NAV2: variants seen among roughly 807,000 people sequenced by gnomAD.
NAV2 encodes the protein helicase, APC down-regulated 1.
NAV2 carries 54 observed loss-of-function variants against 223.2 expected under a neutral mutation model. The observed-to-expected ratio is 0.24, with a 90% CI of 0.19 to 0.30. The LOEUF (loss-of-function observed/expected upper bound fraction) is 0.30. NAV2 is among the 10% of genes least tolerant of loss of function. The probability of loss-of-function intolerance (pLI) is 1.00; values close to 1 mark genes in which losing one functional copy is unlikely to be tolerated. For missense variants in NAV2, 2,806 were observed against 3,147.5 expected (o/e 0.89, Z 2.60); for synonymous variants, 1,279 against 1,239.3 (o/e 1.03, Z -0.67).
At chr11:20,083,781 C>T (rs2153668321) in intron 26 of NAV2, among the ~76,000 whole-genome samples, 1 of 152,302 alleles carries the variant, frequency 6.6e-6, no homozygotes, top group South Asian at 2.1e-4. Flanking sequence ...AAATAGGGTT[C>T]ATTACATCTA....
intron 6 of NAV2, among the ~76,000 whole-genome samples, chr11:19,913,233 A>C (rs893470969): frequency 1.3e-5 from 2 of 152,188 alleles, no homozygotes; most frequent in African/African-American, 4.8e-5. Context: ...TGCCTGGTAC[A>C]TTTTGTATTT....
intron 1 of NAV2, among the ~76,000 whole-genome samples, chr11:19,602,021 C>T (rs573569825): frequency 1.7e-4 from 26 of 152,288 alleles, no homozygotes; most frequent in Admixed American, 1.6e-3. Flanking sequence ...GTCCCAGTTT[C>T]GAGTCCCTGT....
At position 19,832,980 on chromosome 11, in the gene NAV2, A is replaced by G. The variant is rs142218324; in HGVS notation, c.385+379A>G. Among the ~76,000 whole-genome samples, 67 of 152,310 alleles carry G rather than the reference A, an allele frequency of 4.4e-4. No homozygotes were observed. In the East Asian group the frequency reaches 0.011, roughly 26 times the overall value. ...ACTCTGGAAATATTTCCAAAAAAAA[A>G]GTAACGTGGGGCTGGTTTAATCCTG... On this transcript the variant is annotated intron_variant, in intron 2 of 37. Coordinates refer to ENST00000349880, the MANE Select transcript of NAV2 (RefSeq NM_145117.5).
intron 1 of NAV2, among the ~76,000 whole-genome samples, chr11:19,574,105 G>C (rs1391086745): frequency 6.6e-6 from 1 of 152,226 alleles, no homozygotes; most frequent in Non-Finnish European, 1.5e-5. Flanking sequence ...GAGTTGGAAA[G>C]ACTTGAGTTC....
intron 1 of NAV2, among the ~76,000 whole-genome samples, chr11:19,455,096 C>G (rs1275848949): frequency 6.6e-6 from 1 of 152,200 alleles, no homozygotes; most frequent in Non-Finnish European, 1.5e-5. Flanking sequence ...AACCACTGGA[C>G]TTAAGCAAGA....
At chr11:20,005,588 T>C (rs1311116547) in intron 11 of NAV2, among the ~76,000 whole-genome samples, 2 of 146,010 alleles carry the variant, frequency 1.4e-5, no homozygotes, top group African/African-American at 5.1e-5. Flanking sequence ...AAACGAGAAA[T>C]GAGTCCTATC....
intron 1 of NAV2, among the ~76,000 whole-genome samples, chr11:19,512,066 C>T (rs1181338621): frequency 6.6e-6 from 1 of 152,188 alleles, no homozygotes; most frequent in East Asian, 1.9e-4. Flanking sequence ...TTTGACATTG[C>T]TTTGCATGGA....
chr11:19,914,669 C>T (rs572938897), intron 6 of NAV2, among the ~76,000 whole-genome samples: 3 of 151,800 alleles, frequency 2.0e-5, no homozygotes, highest in Non-Finnish European at 4.4e-5. Flanking sequence ...CTCAGCCTCC[C>T]GAGTAGCTGG....
chr11:19,841,926 C>G (rs973070670), intron 2 of NAV2, among the ~76,000 whole-genome samples: 12 of 152,170 alleles, frequency 7.9e-5, no homozygotes. Context: ...TCTTGTGAAG[C>G]AGGTAGTATT....
At chr11:19,951,468 T>A (rs1217255477) in intron 10 of NAV2, among the ~76,000 whole-genome samples, 2 of 152,238 alleles carry the variant, frequency 1.3e-5, no homozygotes, top group Admixed American at 6.5e-5. Context: ...CTTTGTATTA[T>A]TGTTTAGAAG....
At chr11:19,616,220 C>A (rs1414132865) in intron 1 of NAV2, among the ~76,000 whole-genome samples, 1 of 151,768 alleles carries the variant, frequency 6.6e-6, no homozygotes, top group Non-Finnish European at 1.5e-5. Flanking sequence ...CAGGGCACAC[C>A]ATGCTGAGTA....
chr11:19,945,520 G>A (rs560765649), intron 8 of NAV2, among the ~76,000 whole-genome samples: 10 of 152,272 alleles, frequency 6.6e-5, no homozygotes, highest in Admixed American at 5.2e-4. Context: ...CACTACAGGT[G>A]TATGCCATCA....
At position 20,007,326 on chromosome 11, in the gene NAV2, A is replaced by C. The variant is rs998066496; in HGVS notation, c.2768+23079A>C. On this transcript the variant is annotated intron_variant, in intron 11 of 37. Coordinates refer to ENST00000349880, the MANE Select transcript of NAV2 (RefSeq NM_145117.5). ...AAACAGAAGAATTAGGTGATTAAGT[A>C]AAATGGTGGCACTGCTCTCTCTAAC... Among the ~76,000 whole-genome samples the C allele has an allele frequency of 1.6e-4, 25 of 152,142 alleles. No homozygotes were observed. In the East Asian group the frequency reaches 4.6e-3, roughly 28 times the overall value.
At chr11:19,366,323 C>G (rs1665039784) in intron 1 of NAV2, among the ~76,000 whole-genome samples, 1 of 152,324 alleles carries the variant, frequency 6.6e-6, no homozygotes, top group South Asian at 2.1e-4. Flanking sequence ...CCTGCTAGGC[C>G]TGGAGCTCTG....
intron 11 of NAV2, among the ~76,000 whole-genome samples, chr11:20,023,355 TTC>T (rs2054692774): frequency 6.6e-6 from 1 of 152,162 alleles, no homozygotes; most frequent in South Asian, 2.1e-4. Context: ...CCCCCATTGA[TTC>T]TAACCTTGAT....
At chr11:19,532,664 C>A (rs909896577) in intron 1 of NAV2, among the ~76,000 whole-genome samples, 3 of 152,098 alleles carry the variant, frequency 2.0e-5, no homozygotes, top group African/African-American at 7.2e-5. Flanking sequence ...AGGCTGCAGA[C>A]TAGAGTATTT....
intron 3 of NAV2, among the ~76,000 whole-genome samples, chr11:19,854,539 G>A (rs780011787): frequency 2.6e-5 from 4 of 152,122 alleles, no homozygotes; most frequent in Admixed American, 6.5e-5. Flanking sequence ...CTTTGGGTGG[G>A]TGTGGGCTGT....
At chr11:20,055,343 T>C (rs2058296905) in intron 18 of NAV2, among the ~76,000 whole-genome samples, 1 of 152,226 alleles carries the variant, frequency 6.6e-6, no homozygotes, top group African/African-American at 2.4e-5. Flanking sequence ...GGATCTGTGT[T>C]CATACTGTTC....
At chr11:19,396,394 C>T (rs1849449492) in intron 1 of NAV2, among the ~76,000 whole-genome samples, 3 of 152,128 alleles carry the variant, frequency 2.0e-5, no homozygotes, top group African/African-American at 7.2e-5. Flanking sequence ...CTTAGGTTGG[C>T]GTTTAAAGTG....
Sources: allele counts gnomAD v4.1 joint callset (sites outside exome capture counted in the v4.1 genomes callset), GRCh38; gene constraint gnomAD v4.1.1; transcripts MANE v1.5; gene names NCBI Gene and HGNC (gene_info 2026-07-23, HGNC 2026-07-21).